Variants in TMEM117 observed in about 807,000 individuals in gnomAD.
TMEM117 encodes transmembrane protein 117.
A neutral mutation model predicts 52.4 loss-of-function variants in TMEM117; 27 were observed. The ratio of observed to expected loss-of-function variants is 0.51; its 90% CI spans 0.38 to 0.71. TMEM117 has a LOEUF of 0.71. Among genes scored for constraint, TMEM117 ranks in the 30% least tolerant of loss-of-function variants. TMEM117 has a pLI of 0.00. For synonymous variants in TMEM117, 215 were observed against 206.3 expected, an observed-to-expected ratio of 1.04 and a Z score of -0.36; for missense variants, 556 against 630.5, an observed-to-expected ratio of 0.88 and a Z score of 1.26.
intron 3 of TMEM117, among the ~76,000 whole-genome samples, chr12:44,012,396 G>GTT (rs1015225499): frequency 2.3e-5 from 3 of 132,012 alleles, no homozygotes; most frequent in Non-Finnish European, 1.7e-5. Flanking sequence ...TTCTGTTTTT[G>GTT]TTTTTTTTTT....
At chr12:44,033,677 A>G (rs1247655674) in intron 3 of TMEM117, among the ~76,000 whole-genome samples, 1 of 152,234 alleles carries the variant, frequency 6.6e-6, no homozygotes, top group African/African-American at 2.4e-5. Flanking sequence ...AGGCTTTTGG[A>G]TAATCATCTT....
chr12:43,906,246 C>T (rs1487061514), intron 2 of TMEM117, among the ~76,000 whole-genome samples: 3 of 152,002 alleles, frequency 2.0e-5, no homozygotes, highest in Admixed American at 6.6e-5. Context: ...GTGGATCTCT[C>T]GAGGTCTGGA....
In TMEM117 at chr12:44,090,855, T is replaced by G. The variant is rs561118406; in HGVS notation, c.411-52670T>G. Among the ~76,000 whole-genome samples the G allele has an allele frequency of 2.7e-5, 4 of 147,694 alleles. No individual in the cohort carries two copies. In the East Asian group the frequency reaches 5.8e-4, roughly 21 times the overall value. On this transcript the variant is annotated intron_variant, in intron 3 of 7. Coordinates refer to ENST00000266534, the MANE Select transcript of TMEM117 (RefSeq NM_032256.3). The stretch of plus-strand genomic sequence containing the variant: ...TATTTATGTGTTTTTTTTTGTTTTT[T>G]TTTTTTTTTTGCTGAGTGCAGGCAT...
At chr12:43,949,097 G>A (rs148930352) in intron 3 of TMEM117, among the ~76,000 whole-genome samples, 278 of 152,280 alleles carry the variant, frequency 1.8e-3, no homozygotes, top group Non-Finnish European at 2.6e-3. Context: ...TGAATCCATC[G>A]GATCTGCAGC....
chr12:44,006,620 A>G (rs890887400), intron 3 of TMEM117, among the ~76,000 whole-genome samples: 1 of 152,204 alleles, frequency 6.6e-6, no homozygotes, highest in Non-Finnish European at 1.5e-5. Flanking sequence ...CTAAGTATTG[A>G]CCATTATATA....
intron 3 of TMEM117, among the ~76,000 whole-genome samples, chr12:44,023,660 T>G (rs952356696): frequency 1.7e-4 from 26 of 152,022 alleles, no homozygotes; most frequent in African/African-American, 5.8e-4. Flanking sequence ...TTGCCCACTT[T>G]TTGATGGGGT....
intron 2 of TMEM117, among the ~76,000 whole-genome samples, chr12:43,878,758 A>G (rs562515617): frequency 1.4e-4 from 22 of 152,328 alleles, no homozygotes; most frequent in South Asian, 4.1e-4. Flanking sequence ...AAAGTTTAGA[A>G]ACTTGGAGAA....
At chr12:44,339,204 C>T (rs1290633514) in intron 6 of TMEM117, among the ~76,000 whole-genome samples, 2 of 152,086 alleles carry the variant, frequency 1.3e-5, no homozygotes, top group Non-Finnish European at 2.9e-5. Context: ...ACAGCCCAAT[C>T]TGCTTCATTT....
At position 44,363,426 on chromosome 12, in the gene TMEM117, G is replaced by A. The variant is rs150110044; in HGVS notation, c.769-13169G>A. ...AAAATATTTAATCATATTAGTAAAGGAAGATGTATTTCCTTTCATTTAAGT... is the reference window on the plus strand; with the variant it reads ...AAAATATTTAATCATATTAGTAAAGAAAGATGTATTTCCTTTCATTTAAGT... On this transcript the variant is annotated intron_variant, in intron 6 of 7. Coordinates refer to ENST00000266534, the MANE Select transcript of TMEM117 (RefSeq NM_032256.3). 5.1e-3 allele frequency among the ~76,000 whole-genome samples: 773 copies of A among 152,220 alleles called. 5 individuals carry two copies. The highest frequency in any genetic ancestry group is 0.031 in the Middle Eastern group (9 of 294).
intron 5 of TMEM117, among the ~76,000 whole-genome samples, chr12:44,213,717 G>C (rs937888736): frequency 1.3e-5 from 2 of 152,128 alleles, no homozygotes; most frequent in Non-Finnish European, 2.9e-5. Context: ...GCTTTTCCAC[G>C]TTTGTTTGGC....
intron 5 of TMEM117, among the ~76,000 whole-genome samples, chr12:44,289,219 C>T (rs1950671792): frequency 7.4e-6 from 1 of 135,358 alleles, no homozygotes; most frequent in Admixed American, 8.0e-5. Flanking sequence ...TGAATACTAT[C>T]CCATTTTGTG....
intron 2 of TMEM117, among the ~76,000 whole-genome samples, chr12:43,891,202 G>A (rs1944096233): frequency 6.6e-6 from 1 of 151,640 alleles, no homozygotes; most frequent in Non-Finnish European, 1.5e-5. Flanking sequence ...AGTATTTGTT[G>A]AGTGCATACC....
intron 3 of TMEM117, among the ~76,000 whole-genome samples, chr12:44,021,299 T>A (rs377307812): frequency 7.9e-5 from 12 of 152,194 alleles, no homozygotes; most frequent in Admixed American, 5.2e-4. Flanking sequence ...TAGTGTCTGC[T>A]GTTTCCTTCT....
At chr12:44,116,310 C>A (rs932120197) in intron 3 of TMEM117, among the ~76,000 whole-genome samples, 3 of 152,158 alleles carry the variant, frequency 2.0e-5, no homozygotes, top group African/African-American at 7.2e-5. Context: ...TTTCTTCTTC[C>A]AATTCCTTTG....
chr12:44,202,793 C>CCCT (rs60018269), intron 4 of TMEM117, among the ~76,000 whole-genome samples: 1 of 142,872 alleles, frequency 7.0e-6, no homozygotes, highest in Non-Finnish European at 1.6e-5. Context: ...GAAGTGGTAG[C>CCCT]TTTTTTTTTT....
intron 6 of TMEM117, among the ~76,000 whole-genome samples, chr12:44,374,974 G>A (rs73276285): frequency 0.025 from 3,866 of 152,022 alleles, 160 homozygotes; most frequent in African/African-American, 0.087. Context: ...AATTTTTCAT[G>A]AGTTATATTT....
At chr12:44,103,942 TATGTA>T (rs1296942729) in intron 3 of TMEM117, among the ~76,000 whole-genome samples, 3 of 152,036 alleles carry the variant, frequency 2.0e-5, no homozygotes, top group Non-Finnish European at 4.4e-5. Context: ...TGAAGAGAAC[TATGTA>T]ATGTTCATTA....
chr12:44,284,290 G>A (rs926995861), intron 5 of TMEM117, among the ~76,000 whole-genome samples: 1 of 151,876 alleles, frequency 6.6e-6, no homozygotes, highest in Non-Finnish European at 1.5e-5. Flanking sequence ...CCAGCCTGGT[G>A]ACACAGCGAG....
At chr12:44,303,467 A>G (rs1207212955) in intron 6 of TMEM117, among the ~76,000 whole-genome samples, 3 of 152,176 alleles carry the variant, frequency 2.0e-5, no homozygotes, top group Non-Finnish European at 4.4e-5. Context: ...GAGAAAGTAA[A>G]TCATTAATTT....
Sources: allele counts gnomAD v4.1 joint callset (sites outside exome capture counted in the v4.1 genomes callset), GRCh38; gene constraint gnomAD v4.1.1; transcripts MANE v1.5; gene names NCBI Gene and HGNC (gene_info 2026-07-23, HGNC 2026-07-21).